Variants in CCDC149 observed in about 807,000 individuals in gnomAD.
CCDC149 encodes coiled-coil domain containing 149.
Under a neutral mutation model 59.9 loss-of-function variants are expected in CCDC149, and 45 were observed. That is an observed-to-expected ratio of 0.75 (90% CI 0.59 to 0.96). The LOEUF (loss-of-function observed/expected upper bound fraction) is 0.96, where lower values mean the gene tolerates loss of function less well. Ranked by LOEUF, CCDC149 falls within the 40% of genes least tolerant of loss-of-function variation. The pLI is 0.00. For missense variants in CCDC149, 584 were observed against 664.7 expected (o/e 0.88, Z 1.33); for synonymous variants, 245 against 260.6 (o/e 0.94, Z 0.58).
chr4:24,918,648 G>C (rs564402451), intron 1 of CCDC149, among the ~76,000 whole-genome samples: 63 of 152,314 alleles, frequency 4.1e-4, no homozygotes, highest in African/African-American at 1.4e-3. Flanking sequence ...ATTCCTGTTA[G>C]AGACAGATTT....
intron 3 of CCDC149, among the ~76,000 whole-genome samples, chr4:24,869,369 C>T (rs1718890628): frequency 6.6e-6 from 1 of 152,172 alleles, no homozygotes; most frequent in African/African-American, 2.4e-5. Context: ...GAGGCCTGGG[C>T]TCCTGGGCCC....
At chr4:24,926,654 T>C (rs1331740953) in intron 1 of CCDC149, among the ~76,000 whole-genome samples, 1 of 152,214 alleles carries the variant, frequency 6.6e-6, no homozygotes, top group Non-Finnish European at 1.5e-5. Context: ...TAACACAGAA[T>C]AACCATTTTA....
chr4:24,967,411 T>C (rs1351219964), intron 1 of CCDC149, among the ~76,000 whole-genome samples: 1 of 152,148 alleles, frequency 6.6e-6, no homozygotes, highest in Non-Finnish European at 1.5e-5. Context: ...CGGTGGACTA[T>C]CAGGAACTGA....
intron 12 of CCDC149, 53 bp from the exon 13 acceptor site, chr4:24,808,872 C>G (rs1714404919): frequency 6.2e-6 from 9 of 1,455,594 alleles, no homozygotes; most frequent in Non-Finnish European, 8.2e-6. Flanking sequence ...TCAGCCCTCA[C>G]CGCCCCTCTT....
At chr4:24,919,524 T>A (rs986283553) in intron 1 of CCDC149, among the ~76,000 whole-genome samples, 2 of 152,120 alleles carry the variant, frequency 1.3e-5, no homozygotes, top group African/African-American at 4.8e-5. Context: ...GGGTGGGAAC[T>A]GAAAGGAAAA....
In CCDC149 at chr4:24,838,182, G is replaced by T. The variant is rs372455515; in HGVS notation, c.463C>A (p.Gln155Lys). The T allele has an allele frequency of 2.0e-5, 32 of 1,614,092 alleles. No individual in the cohort carries two copies. The highest frequency in any genetic ancestry group is 1.9e-4 in the South Asian group (17 of 91,076). Residue 155 changes from glutamine (Q) to lysine (K), a missense_variant, in exon 5 of 13, where the codon CAG becomes AAG. Transcript: ENST00000635206. Reference sequence around the variant, plus strand: ...TGTTCCTTAGCTCGCTCTAGCTGCTGCACCAAGTCTTCACGCTCATGGGCT... The same window carrying T: ...TGTTCCTTAGCTCGCTCTAGCTGCTTCACCAAGTCTTCACGCTCATGGGCT...
chr4:24,954,527 T>C (rs1178629611), intron 1 of CCDC149, among the ~76,000 whole-genome samples: 2 of 152,224 alleles, frequency 1.3e-5, no homozygotes, highest in African/African-American at 4.8e-5. Flanking sequence ...ATTAGCACCA[T>C]GTGGATGCCA....
At position 24,819,979 on chromosome 4, in the gene CCDC149, T is replaced by C; in HGVS notation, c.1076-4A>G. The C allele has an allele frequency of 1.3e-6, 2 of 1,545,618 alleles. No homozygotes were observed. Among genetic ancestry groups the C allele is most frequent in the Non-Finnish European group, 1.7e-6 (2 of 1,143,338 alleles). On this transcript the variant is annotated splice_region_variant and splice_polypyrimidine_tract_variant and intron_variant, in intron 11 of 12. Coordinates refer to ENST00000635206, the MANE Select transcript of CCDC149 (RefSeq NM_001330643.2). ...AACAGTATGGTGTCCTTGCCCCCTG[T>C]TGCAGAAAAGAGGAAAATGGATGTC...
At chr4:24,920,594 G>T (rs1722257530) in intron 1 of CCDC149, among the ~76,000 whole-genome samples, 3 of 152,198 alleles carry the variant, frequency 2.0e-5, no homozygotes, top group South Asian at 2.1e-4. Context: ...ATGCAGAGGG[G>T]TGGATGAATA....
chr4:24,829,633 G>A (rs1224303699), intron 9 of CCDC149: 4 of 152,130 alleles, frequency 2.6e-5, no homozygotes, highest in African/African-American at 7.2e-5. Flanking sequence ...GAATACCGTG[G>A]GAAATGTAGG....
chr4:24,974,404 A>G (rs1308060689), intron 1 of CCDC149, among the ~76,000 whole-genome samples: 2 of 152,214 alleles, frequency 1.3e-5, no homozygotes, highest in Non-Finnish European at 2.9e-5. Context: ...TTCAAGTGGC[A>G]AATGTGTGGC....
rs1427521707 is a variant in CCDC149, at chr4:24,806,511, T to A, written c.*1878A>T. 6.6e-6 allele frequency: 1 copy of A among 152,278 alleles called. No individual in the cohort carries two copies. The highest frequency in any genetic ancestry group is 6.5e-5 in the Admixed American group (1 of 15,288). The allele number at this position is 152,278 out of a possible 1,614,324, so 9.4% of individuals were successfully genotyped here. A position where few individuals can be genotyped will look rare whatever the true frequency, so the allele number is the denominator to read the frequency against. ...TTCTGCAGGCTGAGATTTTTCCTTT[T>A]ATTATTATTAAACTTGGCTGTGTTT... On this transcript the variant is annotated 3_prime_UTR_variant, in exon 13 of 13. Transcript: ENST00000635206.
At chr4:24,812,498 T>C (rs55664019) in intron 12 of CCDC149, among the ~76,000 whole-genome samples, 23,878 of 152,246 alleles carry the variant, frequency 0.16, 2,147 homozygotes, top group South Asian at 0.22. Context: ...GAAAATCTGC[T>C]GGCACTTTCC....
Position 24,912,864 on chromosome 4 carries a change from T to C in CCDC149, c.16A>G (p.Met6Val), listed in dbSNP as rs746355904. The change falls in exon 1 of 13, where the codon ATG (methionine) becomes GTG (valine). Residue 6 changes from methionine to valine, a missense_variant. Coordinates refer to ENST00000635206, the MANE Select transcript of CCDC149 (RefSeq NM_001330643.2). ...TCGCTCTCAGTCCGGTCGCCGTTCA[T>C]GGCCTCCTCCTCCATGCGCTGGCCG... is the stretch of plus-strand genomic sequence containing the variant. The C allele has an allele frequency of 2.9e-6, 4 of 1,373,822 alleles. No homozygotes were observed. The South Asian group carries it at 4.3e-5, about 15-fold the overall frequency. The allele number at this position is 1,373,822 out of a possible 1,614,324, so 85.1% of individuals were successfully genotyped here. A position where few individuals can be genotyped will look rare whatever the true frequency, so the allele number is the denominator to read the frequency against.
intron 1 of CCDC149, among the ~76,000 whole-genome samples, chr4:24,908,592 C>T (rs1309659498): frequency 6.6e-6 from 1 of 151,606 alleles, no homozygotes; most frequent in East Asian, 1.9e-4. Flanking sequence ...TCCAGCTACT[C>T]AGGAGGCTGA....
At chr4:24,835,513 G>A (rs1332825713) in intron 7 of CCDC149, among the ~76,000 whole-genome samples, 1 of 152,180 alleles carries the variant, frequency 6.6e-6, no homozygotes, top group Non-Finnish European at 1.5e-5. Context: ...GTCATTCCTA[G>A]AACAGACTTA....
At chr4:24,964,037 A>T (rs377408783) in intron 1 of CCDC149, among the ~76,000 whole-genome samples, 4 of 152,138 alleles carry the variant, frequency 2.6e-5, no homozygotes, top group African/African-American at 9.6e-5. Flanking sequence ...TCTACGAAAA[A>T]TTTTTAAAAT....
At chr4:24,959,885 C>A (rs1473029279) in intron 1 of CCDC149, among the ~76,000 whole-genome samples, 1 of 152,126 alleles carries the variant, frequency 6.6e-6, no homozygotes, top group African/African-American at 2.4e-5. Flanking sequence ...CACCAGTAGA[C>A]CTGCACTACA....
intron 9 of CCDC149, among the ~76,000 whole-genome samples, chr4:24,823,541 A>T (rs1328851357): frequency 6.6e-6 from 1 of 152,240 alleles, no homozygotes; most frequent in African/African-American, 2.4e-5. Flanking sequence ...TGTGGAAATC[A>T]CCTTAATAGC....
Sources: allele counts gnomAD v4.1 joint callset (sites outside exome capture counted in the v4.1 genomes callset), GRCh38; gene constraint gnomAD v4.1.1; transcripts MANE v1.5; gene names NCBI Gene and HGNC (gene_info 2026-07-23, HGNC 2026-07-21).